The following ZBED6 variants were observed in gnomAD, a reference collection of about 807,000 sequenced individuals.
The protein encoded by ZBED6 is zinc finger BED-type containing 6, also known as zinc finger BED domain-containing protein 6.
In ZBED6, 40 loss-of-function variants were observed where a neutral mutation model predicts 58.4. The observed-to-expected ratio is 0.68, with a 90% confidence interval of 0.53 to 0.89. The LOEUF (loss-of-function observed/expected upper bound fraction) is 0.89, where lower values mean the gene tolerates loss of function less well. Ranked by LOEUF, ZBED6 falls within the 40% of genes least tolerant of loss-of-function variation. The pLI is 0.00. For missense variants in ZBED6, 1,057 were observed against 1,003.9 expected (o/e 1.05, Z -0.71); for synonymous variants, 439 against 350.6 (o/e 1.25, Z -2.82).
intron 1 of ZBED6, among the ~76,000 whole-genome samples, chr1:203,816,115 C>T (rs1350495763): frequency 6.6e-6 from 1 of 152,098 alleles, no homozygotes; most frequent in African/African-American, 2.4e-5. Flanking sequence ...GGTTTTCTCA[C>T]CTAGTTATGA....
intron 10 of ZBED6, among the ~76,000 whole-genome samples, chr1:203,838,844 T>C (rs1271879876): frequency 6.6e-6 from 1 of 151,220 alleles, no homozygotes; most frequent in Admixed American, 6.6e-5. Flanking sequence ...TCCCAGCTAC[T>C]TGGGAGGCTG....
chr1:203,800,133 T>C (rs1386397533), exon 1 of ZBED6: 1 of 1,536,122 alleles, frequency 6.5e-7, no homozygotes, highest in Non-Finnish European at 8.7e-7. Context: ...GGATGAGTAC[T>C]TCAAAGAGAA....
At chr1:203,813,636 G>A (rs981633292) in intron 1 of ZBED6, among the ~76,000 whole-genome samples, 1 of 152,122 alleles carries the variant, frequency 6.6e-6, no homozygotes, top group Non-Finnish European at 1.5e-5. Flanking sequence ...ACAGAAGTTT[G>A]TTGTCTCACA....
intron 3 of ZBED6, among the ~76,000 whole-genome samples, chr1:203,825,076 CAAAAAAAAAAA>C (rs61108073): frequency 1.8e-5 from 2 of 108,988 alleles, no homozygotes; most frequent in African/African-American, 7.2e-5. Context: ...GACTCCGTCT[CAAAAAAAAAAA>C]AAAAAAAAGA....
chr1:203,832,436 C>T (rs1293710159), intron 8 of ZBED6, among the ~76,000 whole-genome samples: 1 of 152,066 alleles, frequency 6.6e-6, no homozygotes, highest in Non-Finnish European at 1.5e-5. Context: ...TCTCCACTCA[C>T]TGCAACCTCC....
At chr1:203,801,398 G>A (rs1474819575) in exon 1 of ZBED6, 2 of 152,100 alleles carry the variant, frequency 1.3e-5, no homozygotes, top group Non-Finnish European at 2.9e-5. Context: ...TTATGTGTTA[G>A]GAATCATTGG....
chr1:203,832,365 A>T lies in ZBED6; in HGVS notation c.*3510+594A>T, dbSNP rs1558126808. 4.9e-5 allele frequency among the ~76,000 whole-genome samples: 7 copies of T among 143,500 alleles called. No individual in the cohort carries two copies. The South Asian group carries it at 1.3e-3, about 27-fold the overall frequency. 94.1% of individuals were successfully genotyped at this position (143,500 alleles called of 152,430 possible). A position where few individuals can be genotyped will look rare whatever the true frequency, so the allele number is the denominator to read the frequency against. ...TGTGAGCCACCGTTCTTGGCCATTAATTTTTTTTTTTTTTAGATGGAGTCT... is the reference window on the plus strand; with the variant it reads ...TGTGAGCCACCGTTCTTGGCCATTATTTTTTTTTTTTTTTAGATGGAGTCT... On this transcript the variant is annotated intron_variant, in intron 8 of 16. Coordinates refer to ENST00000550078, the Ensembl canonical transcript of ZBED6.
chr1:203,847,118 A>G (rs1688123072), intron 11 of ZBED6, 66 bp from the exon 12 acceptor site: 1 of 1,548,950 alleles, frequency 6.5e-7, no homozygotes, highest in Non-Finnish European at 8.8e-7. Flanking sequence ...CCAAGAATAG[A>G]GAGATCATAA....
chr1:203,808,023 TG>T, intron 1 of ZBED6, among the ~76,000 whole-genome samples: 1 of 152,302 alleles, frequency 6.6e-6, no homozygotes, highest in South Asian at 2.1e-4. Flanking sequence ...ATTACGGATG[TG>T]AGCCACCATG....
At chr1:203,840,434 T>C (rs899644846) in intron 11 of ZBED6, 60 bp downstream of exon 11, 6 of 1,531,638 alleles carry the variant, frequency 3.9e-6, no homozygotes, top group African/African-American at 2.8e-5. Flanking sequence ...GAGCCTTTGC[T>C]TTTTCTCAGA....
intron 4 of ZBED6, 91 bp downstream of exon 4, chr1:203,828,513 A>T: frequency 6.9e-7 from 1 of 1,444,448 alleles, no homozygotes. Context: ...GACTCCTTTC[A>T]GTCTTGTGAA....
chr1:203,847,363 G>C (rs779090493), exon 12 of ZBED6: 14 of 1,613,830 alleles, frequency 8.7e-6, no homozygotes, highest in Non-Finnish European at 1.2e-5. Context: ...AACCTTCTCT[G>C]AGGTCCTGGC....
chr1:203,815,216 C>CTTTTTTTTT lies in ZBED6; in HGVS notation c.*2555-1702_*2555-1694dup, dbSNP rs59254922. Among the ~76,000 whole-genome samples, 545 of 97,070 alleles carry CTTTTTTTTT rather than the reference C, an allele frequency of 5.6e-3. 25 individuals carry two copies. Among genetic ancestry groups the CTTTTTTTTT allele is most frequent in the Non-Finnish European group, 6.7e-3 (344 of 51,590 alleles). 63.7% of individuals were successfully genotyped at this position (97,070 alleles called of 152,430 possible). A position where few individuals can be genotyped will look rare whatever the true frequency, so the allele number is the denominator to read the frequency against. Reference sequence around the variant, plus strand: ...TTCATTATTTTCTTCCTTTTCTTTTCTTTTTTTTTTTTTTTTGAGACAGTG... The same window carrying CTTTTTTTTT: ...TTCATTATTTTCTTCCTTTTCTTTTCTTTTTTTTTTTTTTTTTTTTTTTTTGAGACAGTG... On this transcript the variant is annotated intron_variant, in intron 1 of 16. Transcript: ENST00000550078.
chr1:203,819,089 TACACACACACACACAC>T (rs200302232), intron 3 of ZBED6, among the ~76,000 whole-genome samples: 1 of 140,956 alleles, frequency 7.1e-6, no homozygotes, highest in East Asian at 2.1e-4. Flanking sequence ...TATATATATA[TACACACACACACACAC>T]ACACACACAC....
At chr1:203,801,395 T>G (rs1670521662) in exon 1 of ZBED6, 1 of 152,190 alleles carries the variant, frequency 6.6e-6, no homozygotes, top group African/African-American at 2.4e-5. Flanking sequence ...TTTTTATGTG[T>G]TAGGAATCAT....
At chr1:203,812,153 G>A (rs36030067) in intron 1 of ZBED6, among the ~76,000 whole-genome samples, 2 of 152,082 alleles carry the variant, frequency 1.3e-5, no homozygotes, top group African/African-American at 4.8e-5. Flanking sequence ...ACATGTGCAG[G>A]ATGTGCAGGT....
rs184948696 is a variant in ZBED6, at chr1:203,807,745, A to G, written c.*2554+4729A>G. 1.7e-3 allele frequency among the ~76,000 whole-genome samples: 264 copies of G among 150,916 alleles called. 2 individuals are homozygous for G. Among genetic ancestry groups the G allele is most frequent in the African/African-American group, 6.0e-3 (247 of 41,096 alleles). On this transcript the variant is annotated intron_variant, in intron 1 of 16. Coordinates refer to ENST00000550078, the Ensembl canonical transcript of ZBED6. Reference sequence around the variant, plus strand: ...TGGTCTCACTATGTTGCCCAGGCTTATTTATTTATTTTTTGAGAGAGGGTC... The same window carrying G: ...TGGTCTCACTATGTTGCCCAGGCTTGTTTATTTATTTTTTGAGAGAGGGTC...
intron 1 of ZBED6, among the ~76,000 whole-genome samples, chr1:203,813,335 T>C (rs931295353): frequency 6.6e-6 from 1 of 152,134 alleles, no homozygotes; most frequent in Non-Finnish European, 1.5e-5. Context: ...GCCTCCTCAG[T>C]AGCTGGGATC....
At chr1:203,820,279 TGTCAC>T (rs1413737758) in intron 3 of ZBED6, among the ~76,000 whole-genome samples, 4 of 151,968 alleles carry the variant, frequency 2.6e-5, no homozygotes, top group African/African-American at 9.7e-5. Flanking sequence ...TGCACATAGT[TGTCAC>T]GACTAGTTTT....
Sources: gnomAD v4.1 joint callset for allele counts (sites outside exome capture counted in the v4.1 genomes callset) on GRCh38, gnomAD v4.1.1 for gene constraint, MANE v1.5 for transcripts, NCBI Gene and HGNC (gene_info 2026-07-23, HGNC 2026-07-21) for gene names.